WNT8A: variants seen among roughly 807,000 people sequenced by gnomAD.
WNT8A encodes protein Wnt-8a.
In WNT8A, 14 loss-of-function variants were observed where a neutral mutation model predicts 20.5. The ratio of observed to expected loss-of-function variants is 0.68; its 90% CI spans 0.45 to 1.07. The LOEUF is 1.07. Among genes scored for constraint, WNT8A ranks in the 50% least tolerant of loss-of-function variants. WNT8A has a pLI of 0.00. For synonymous variants in WNT8A, 167 were observed against 169.2 expected (o/e 0.99, Z 0.10); for missense variants, 397 against 462.9 (o/e 0.86, Z 1.31).
chr5:138,086,879 CA>C (rs35287315), intron 2 of WNT8A, among the ~76,000 whole-genome samples: 72,236 of 120,456 alleles, frequency 0.6, 20,933 homozygotes, highest in East Asian at 0.92. Context: ...TACTAAAGAC[CA>C]AAAAAAAAAA....
chr5:138,088,029 C>T, intron 3 of WNT8A, 98 bp downstream of exon 3: 1 of 1,513,326 alleles, frequency 6.6e-7, no homozygotes, highest in East Asian at 2.3e-5. Context: ...GACACAGCTC[C>T]CTTAAACCTC....
At chr5:138,087,649 CA>C (rs66902804) in intron 2 of WNT8A, among the ~76,000 whole-genome samples, 156 bp from the exon 3 acceptor site, 677 of 70,122 alleles carry the variant, frequency 9.7e-3, no homozygotes, top group African/African-American at 0.031. Context: ...GAGCGAGTCT[CA>C]AAAAAAAAAA....
chr5:138,087,045 C>A (rs1750688525), intron 2 of WNT8A, among the ~76,000 whole-genome samples: 1 of 142,230 alleles, frequency 7.0e-6, no homozygotes, highest in South Asian at 2.2e-4. Flanking sequence ...GAGCCTATCT[C>A]AAAAAATAAA....
Position 138,088,968 on chromosome 5 carries a change from GA to G in WNT8A, c.465del (p.Glu155AspfsTer23). ...CTGGGGAGGCTGCAGCGACAATGTG[GA>G]ATTTGGGGAAAGGATCTCCAAACTC... The part of the protein sequence containing the change: ...WIWGGCSDNV[E>X]FGERISKLFV... On this transcript the variant is annotated frameshift_variant, in exon 4 of 5. Coordinates refer to ENST00000506684, the MANE Select transcript of WNT8A (RefSeq NM_001300939.2). LOFTEE classifies it high-confidence loss of function. The G allele has an allele frequency of 6.2e-7, 1 of 1,614,038 alleles. No individual in the cohort carries two copies. The highest frequency in any genetic ancestry group is 8.5e-7 in the Non-Finnish European group (1 of 1,180,006).
intron 4 of WNT8A, among the ~76,000 whole-genome samples, 157 bp from the exon 5 acceptor site, chr5:138,090,371 A>T (rs1375905842): frequency 1.3e-5 from 2 of 152,200 alleles, no homozygotes; most frequent in African/African-American, 4.8e-5. Context: ...AGAAGATCTG[A>T]GGTAGGGTCG....
At chr5:138,085,336 T>A (rs934736664) in intron 2 of WNT8A, among the ~76,000 whole-genome samples, 9 of 152,192 alleles carry the variant, frequency 5.9e-5, no homozygotes, top group African/African-American at 2.2e-4. Flanking sequence ...GGGCTGTGTG[T>A]TTGCAGCTCC....
rs1395675584 is a variant in WNT8A at position 138,091,034 on chromosome 5, C to T, written c.1071C>T (p.Ser357=). Residue 357 remains serine, a synonymous_variant, in exon 5 of 5, where the codon TCC becomes TCT. Transcript: ENST00000506684. ...HVVSKYYCAR[S]PGSAQSLGKG... ...TGAGCAAGTATTACTGCGCACGCTCCCCAGGCAGTGCCCAGTCCCTGGGTA... is the reference window on the plus strand; with the variant it reads ...TGAGCAAGTATTACTGCGCACGCTCTCCAGGCAGTGCCCAGTCCCTGGGTA... The T allele has an allele frequency of 6.2e-7, 1 of 1,613,520 alleles. No homozygotes were observed. Among genetic ancestry groups the T allele is most frequent in the South Asian group, 1.1e-5 (1 of 91,066 alleles).
In WNT8A at chr5:138,087,858, C is replaced by T. The variant is rs758580480; in HGVS notation, c.348C>T (p.Tyr116=). 16 of 1,613,914 alleles carry T rather than the reference C, an allele frequency of 9.9e-6. No homozygotes were observed. Among genetic ancestry groups the T allele is most frequent in the Non-Finnish European group, 1.3e-5 (15 of 1,179,974 alleles). ...IHAISSAGVM[Y]IITKNCSMGD... is the part of the protein sequence containing the mutation. ...CTATCAGCTCTGCTGGAGTCATGTA[C>T]ATCATCACCAAGAACTGTAGCATGG... The change falls in exon 3 of 5, where the codon TAC becomes TAT. Residue 116 remains tyrosine, a synonymous_variant. Transcript: ENST00000506684.
At chr5:138,081,743 C>T (rs903838111), upstream of WNT8A, among the ~76,000 whole-genome samples, 2 of 152,102 alleles carry the variant, frequency 1.3e-5, no homozygotes, top group Non-Finnish European at 2.9e-5. Flanking sequence ...TTTTTGTCCT[C>T]ATCCTTCTGA....
upstream of WNT8A, among the ~76,000 whole-genome samples, chr5:138,080,839 C>G (rs1750493427): frequency 6.6e-6 from 1 of 152,126 alleles, no homozygotes; most frequent in African/African-American, 2.4e-5. Context: ...GATGAAGAAT[C>G]TAAGTCCAGA....
chr5:138,084,004 A>T, upstream of WNT8A: 2 of 1,304,748 alleles, frequency 1.5e-6, no homozygotes, highest in Non-Finnish European at 1.1e-6. Context: ...ATTTTCTCAC[A>T]TAAATACTGA....
At chr5:138,089,177 G>A in intron 4 of WNT8A, 108 bp downstream of exon 4, 1 of 1,450,402 alleles carries the variant, frequency 6.9e-7, no homozygotes, top group South Asian at 1.4e-5. Flanking sequence ...TACCCAGCCA[G>A]ATTGAGATGG....
chr5:138,084,555 T>C lies in WNT8A; in HGVS notation c.214T>C (p.Cys72Arg). The change falls in exon 2 of 5, where the codon TGC becomes CGC. Residue 72 changes from cysteine to arginine, a missense_variant. By Grantham distance (180) the Cys-to-Arg change is radical (BLOSUM62 -3). Transcript: ENST00000506684. ...ALGAQSGIEE[C>R]KFQFAWERWN... is the part of the protein sequence containing the mutation. ...GGGTGCCCAGAGTGGCATCGAGGAGTGCAAGTTCCAGTTTGCTTGGGAACG... is the reference window on the plus strand; with the variant it reads ...GGGTGCCCAGAGTGGCATCGAGGAGCGCAAGTTCCAGTTTGCTTGGGAACG... 6.2e-7 allele frequency: 1 copy of C among 1,613,710 alleles called. No homozygotes were observed. Among genetic ancestry groups the C allele is most frequent in the Non-Finnish European group, 8.5e-7 (1 of 1,179,846 alleles).
chr5:138,085,853 C>CA (rs11377173), intron 2 of WNT8A, among the ~76,000 whole-genome samples: 42,785 of 74,810 alleles, frequency 0.57, 11,008 homozygotes, highest in African/African-American at 0.6. Flanking sequence ...GACCTTGTCT[C>CA]AAAAAAAAAA....
chr5:138,077,598 A>G, the WNT8A span, among the ~76,000 whole-genome samples: 2 of 152,236 alleles, frequency 1.3e-5, no homozygotes, highest in African/African-American at 4.8e-5. Flanking sequence ...TAATCAAGAA[A>G]CATTAATTGA....
At chr5:138,088,037 C>T (rs1325552967) in intron 3 of WNT8A, 106 bp downstream of exon 3, 4 of 1,492,926 alleles carry the variant, frequency 2.7e-6, no homozygotes, top group Admixed American at 2.0e-5. Context: ...TCCCTTAAAC[C>T]TCAAGACTCC....
chr5:138,089,598 G>C (rs1208768684), intron 4 of WNT8A, among the ~76,000 whole-genome samples: 1 of 152,206 alleles, frequency 6.6e-6, no homozygotes, highest in Non-Finnish European at 1.5e-5. Context: ...CAAAAGCATA[G>C]AAATTTCCTG....
Position 138,091,093 on chromosome 5 carries a change from A to C in WNT8A, c.*20A>C. ...GCCTGATAATACCCCACACAAGTTC[A>C]CTTGATTAATTGCATCAGTGGAAGG... is the stretch of plus-strand genomic sequence containing the variant. On this transcript the variant is annotated 3_prime_UTR_variant, in exon 5 of 5. Coordinates refer to ENST00000506684, the MANE Select transcript of WNT8A (RefSeq NM_001300939.2). The C allele has an allele frequency of 1.3e-6, 2 of 1,597,350 alleles. No homozygotes were observed. Among genetic ancestry groups the C allele is most frequent in the Non-Finnish European group, 1.7e-6 (2 of 1,171,082 alleles).
In WNT8A at chr5:138,087,787, TC is replaced by T. The variant is rs1211350072; in HGVS notation, c.296-16del. 3 of 1,611,710 alleles carry T rather than the reference TC, an allele frequency of 1.9e-6. No individual in the cohort carries two copies. The highest frequency in any genetic ancestry group is 2.5e-6 in the Non-Finnish European group (3 of 1,178,728). ...ATCAGGGTCCAGGTTTCCAGTCAGT[TC>T]CCTCTCTCTCTCCAAAGCTACCAGA... On this transcript the variant is annotated intron_variant, in intron 2 of 4. Transcript: ENST00000506684.
Sources: gnomAD v4.1 joint callset for allele counts (sites outside exome capture counted in the v4.1 genomes callset) on GRCh38, gnomAD v4.1.1 for gene constraint, MANE v1.5 for transcripts, NCBI Gene and HGNC (gene_info 2026-07-23, HGNC 2026-07-21) for gene names.